NTRK3: variants seen among roughly 807,000 people sequenced by gnomAD.
NTRK3 encodes neurotrophic receptor tyrosine kinase 3, also known as NT-3 growth factor receptor.
NTRK3 carries 24 observed loss-of-function variants against 91.7 expected under a neutral mutation model. The observed-to-expected ratio is 0.26, with a 90% CI of 0.19 to 0.37. NTRK3 has a LOEUF of 0.37. Among genes scored for constraint, NTRK3 ranks in the 10% least tolerant of loss-of-function variants. The probability of loss-of-function intolerance (pLI) is 1.00; values close to 1 mark genes in which losing one functional copy is unlikely to be tolerated. For missense variants in NTRK3, 880 were observed against 1,068.9 expected (o/e 0.82, Z 2.46); for synonymous variants, 483 against 404.0 (o/e 1.20, Z -2.34).
At chr15:88,018,057 C>T (rs1305134101) in intron 14 of NTRK3, among the ~76,000 whole-genome samples, 1 of 152,152 alleles carries the variant, frequency 6.6e-6, no homozygotes, top group Non-Finnish European at 1.5e-5. Flanking sequence ...GATCCACCAG[C>T]GACAGGATAA....
At chr15:88,157,656 G>T (rs1007654973) in intron 5 of NTRK3, among the ~76,000 whole-genome samples, 19 of 152,040 alleles carry the variant, frequency 1.2e-4, no homozygotes, top group Non-Finnish European at 2.4e-4. Context: ...GGGAACAGTG[G>T]GGAGCCCTCA....
intron 13 of NTRK3, among the ~76,000 whole-genome samples, chr15:88,117,941 T>A (rs2052287256): frequency 6.6e-6 from 1 of 152,192 alleles, no homozygotes; most frequent in South Asian, 2.1e-4. Context: ...CACAGCTGGC[T>A]GAAGGATGCT....
At chr15:88,246,123 T>A (rs1462926595) in intron 3 of NTRK3, among the ~76,000 whole-genome samples, 1 of 152,164 alleles carries the variant, frequency 6.6e-6, no homozygotes, top group Non-Finnish European at 1.5e-5. Context: ...TCTCTAAAGC[T>A]GATAACCTTG....
chr15:88,159,955 C>CAA (rs1178325856), intron 5 of NTRK3, among the ~76,000 whole-genome samples: 12 of 141,092 alleles, frequency 8.5e-5, no homozygotes. Flanking sequence ...CACACACACA[C>CAA]ACACACACAC....
chr15:87,945,114 G>A (rs752848349), intron 14 of NTRK3, among the ~76,000 whole-genome samples: 5 of 152,192 alleles, frequency 3.3e-5, no homozygotes, highest in Admixed American at 1.3e-4. Flanking sequence ...ACCCCAGGCC[G>A]TGGGAAGACC....
At chr15:87,902,341 A>C (rs1397234573) in intron 17 of NTRK3, among the ~76,000 whole-genome samples, 1 of 152,260 alleles carries the variant, frequency 6.6e-6, no homozygotes, top group Non-Finnish European at 1.5e-5. Flanking sequence ...CTCCCTGACG[A>C]GGACAAGCCT....
chr15:88,223,746 C>A (rs2050438354), intron 3 of NTRK3, among the ~76,000 whole-genome samples: 1 of 152,166 alleles, frequency 6.6e-6, no homozygotes, highest in Non-Finnish European at 1.5e-5. Flanking sequence ...TGGGCTACTG[C>A]ACATTAAAAA....
Position 88,243,094 on chromosome 15 carries a change from G to A in NTRK3, c.248+12812C>T, listed in dbSNP as rs2052517272. On this transcript the variant is annotated intron_variant, in intron 3 of 18. Coordinates refer to ENST00000394480, the Ensembl canonical transcript of NTRK3. The surrounding 1 kb of genome is among the most constrained non-coding windows in gnomAD (Gnocchi z 4.8). ...TTCCTTCAACACCAGGGACTTTGAG[G>A]AGCCCTGAGCTGAACTCCTCTTCCA... Among the ~76,000 whole-genome samples the A allele has an allele frequency of 6.6e-6, 1 of 152,148 alleles. No individual in the cohort carries two copies. Among genetic ancestry groups the A allele is most frequent in the African/African-American group, 2.4e-5 (1 of 41,420 alleles).
At chr15:88,136,383 A>G (rs1315092796) in intron 8 of NTRK3, 84 bp downstream of exon 8, 2 of 1,578,420 alleles carry the variant, frequency 1.3e-6, no homozygotes. Flanking sequence ...TATAGTAACA[A>G]GACCGCAAAT....
chr15:88,124,393 T>C lies in NTRK3; in HGVS notation c.1396+1878A>G, dbSNP rs2053063378. On this transcript the variant is annotated intron_variant, in intron 13 of 18. Transcript: ENST00000394480. ...TGGGTGCTGCCTAATCCATCCGACATGGGGACATGCTGTTCCAGAAACAGG... is the reference window on the plus strand; with the variant it reads ...TGGGTGCTGCCTAATCCATCCGACACGGGGACATGCTGTTCCAGAAACAGG... Among the ~76,000 whole-genome samples, 4 of 152,124 alleles carry C rather than the reference T, an allele frequency of 2.6e-5. 1 individual carries two copies. The highest frequency in any genetic ancestry group is 2.6e-4 in the Admixed American group (4 of 15,264).
exon 19 of NTRK3, chr15:87,865,154 T>A (rs746488219): frequency 2.4e-5 from 5 of 209,904 alleles, no homozygotes; most frequent in Admixed American, 5.9e-5. Context: ...TGCAGCTTTA[T>A]TCTGATTTCT....
chr15:88,023,747 A>T (rs535745222), intron 14 of NTRK3, among the ~76,000 whole-genome samples: 21 of 152,072 alleles, frequency 1.4e-4, no homozygotes, highest in African/African-American at 5.1e-4. Context: ...TCAGCCGCAC[A>T]CCCCATGCTC....
chr15:87,989,736 A>G (rs540391272), intron 14 of NTRK3, among the ~76,000 whole-genome samples: 14 of 151,372 alleles, frequency 9.2e-5, no homozygotes, highest in Admixed American at 7.2e-4. Flanking sequence ...CCACTTAAGT[A>G]GCTGGGATTA....
chr15:87,933,385 A>G (rs1285178144), intron 15 of NTRK3, among the ~76,000 whole-genome samples: 1 of 152,256 alleles, frequency 6.6e-6, no homozygotes, highest in East Asian at 1.9e-4. Context: ...CTGCAGAAAT[A>G]GAAACCCACT....
intron 14 of NTRK3, among the ~76,000 whole-genome samples, chr15:87,999,481 A>C (rs893006584): frequency 1.3e-5 from 2 of 152,202 alleles, no homozygotes; most frequent in African/African-American, 4.8e-5. Context: ...CATTTTTGCA[A>C]AGCACCTCAA....
intron 6 of NTRK3, among the ~76,000 whole-genome samples, chr15:88,139,286 C>T (rs1384616563): frequency 6.6e-6 from 1 of 152,190 alleles, no homozygotes; most frequent in Non-Finnish European, 1.5e-5. Flanking sequence ...GAGTAAAGGG[C>T]ACCGGATAAA....
chr15:88,098,502 C>A (rs60463528), intron 13 of NTRK3: 2,755 of 217,120 alleles, frequency 0.013, 56 homozygotes, highest in African/African-American at 0.053. Flanking sequence ...AGGATAACAG[C>A]AACCTGGGTG....
intron 15 of NTRK3, among the ~76,000 whole-genome samples, chr15:87,935,482 G>A (rs1169207253): frequency 1.3e-5 from 2 of 152,212 alleles, no homozygotes; most frequent in African/African-American, 2.4e-5. Context: ...CTCTTCTGGG[G>A]ACCCAGCTCC....
At chr15:88,197,120 AAAAAAAAC>A (rs1467757315) in intron 3 of NTRK3, among the ~76,000 whole-genome samples, 4 of 148,216 alleles carry the variant, frequency 2.7e-5, no homozygotes, top group African/African-American at 7.6e-5. Flanking sequence ...AAAAAAAAAA[AAAAAAAAC>A]CTCTGTGATT....
Sources: allele counts gnomAD v4.1 joint callset (sites outside exome capture counted in the v4.1 genomes callset), GRCh38; gene constraint gnomAD v4.1.1; non-coding constraint Gnocchi (gnomAD v3.1); transcripts MANE v1.5; gene names NCBI Gene and HGNC (gene_info 2026-07-23, HGNC 2026-07-21).